Variants in SLC17A8 observed in about 807,000 individuals in gnomAD.
The protein encoded by SLC17A8 is solute carrier family 17 member 8, also known as vesicular glutamate transporter 3.
Under a neutral mutation model 58.0 loss-of-function variants are expected in SLC17A8, and 31 were observed. The ratio of observed to expected loss-of-function variants is 0.53; its 90% CI spans 0.40 to 0.72. The LOEUF is 0.72. Among genes scored for constraint, SLC17A8 ranks in the 30% least tolerant of loss-of-function variants. The pLI is 0.00. For synonymous variants in SLC17A8, 228 were observed against 249.0 expected (o/e 0.92, Z 0.79); for missense variants, 655 against 727.8 (o/e 0.90, Z 1.15).
intron 1 of SLC17A8, among the ~76,000 whole-genome samples, chr12:100,358,407 A>C (rs1221898107): frequency 6.6e-6 from 1 of 152,212 alleles, no homozygotes; most frequent in Non-Finnish European, 1.5e-5. Context: ...TAAATTTAAA[A>C]ACTTTTTCAT....
intron 11 of SLC17A8, among the ~76,000 whole-genome samples, 178 bp downstream of exon 11, chr12:100,418,334 A>G (rs774564917): frequency 2.0e-4 from 30 of 152,036 alleles, no homozygotes; most frequent in Non-Finnish European, 2.9e-5. Flanking sequence ...TTGCTTATCA[A>G]TGGCACCAAG....
chr12:100,415,964 A>T (rs1187129602), intron 10 of SLC17A8, among the ~76,000 whole-genome samples: 1 of 152,178 alleles, frequency 6.6e-6, no homozygotes, highest in African/African-American at 2.4e-5. Flanking sequence ...CTTTTAAAGG[A>T]ATAAACATAG....
chr12:100,376,092 G>A (rs947883281), intron 1 of SLC17A8, among the ~76,000 whole-genome samples: 21 of 152,160 alleles, frequency 1.4e-4, no homozygotes, highest in African/African-American at 4.3e-4. Flanking sequence ...CTATGTGAAG[G>A]CACAGGGAGA....
At chr12:100,405,822 TG>T (rs1952822629) in intron 9 of SLC17A8, among the ~76,000 whole-genome samples, 1 of 152,134 alleles carries the variant, frequency 6.6e-6, no homozygotes, top group South Asian at 2.1e-4. Flanking sequence ...ACTGAGTTTG[TG>T]GTAATTTATT....
chr12:100,407,980 G>T (rs1003572547), intron 9 of SLC17A8, among the ~76,000 whole-genome samples: 2 of 152,098 alleles, frequency 1.3e-5, no homozygotes, highest in African/African-American at 4.8e-5. Context: ...GACCATAATG[G>T]TCCCACTTTT....
chr12:100,395,624 C>CTT (rs748545074), intron 4 of SLC17A8, among the ~76,000 whole-genome samples: 4 of 144,930 alleles, frequency 2.8e-5, no homozygotes, highest in African/African-American at 7.7e-5. Context: ...TGTGCCTGGC[C>CTT]TTTTTTTTTT....
chr12:100,396,748 TAAAAAGA>T (rs574066656), intron 5 of SLC17A8, among the ~76,000 whole-genome samples: 8 of 151,748 alleles, frequency 5.3e-5, no homozygotes, highest in African/African-American at 1.7e-4. Context: ...ACCTTGTATC[TAAAAAGA>T]AAAAAGAAAA....
chr12:100,376,064 G>A (rs1952592786), intron 1 of SLC17A8, among the ~76,000 whole-genome samples: 1 of 152,120 alleles, frequency 6.6e-6, no homozygotes, highest in South Asian at 2.1e-4. Flanking sequence ...TGGGACACAC[G>A]GATACATAGA....
chr12:100,386,772 T>C (rs1265783228), intron 2 of SLC17A8, among the ~76,000 whole-genome samples: 1 of 151,420 alleles, frequency 6.6e-6, no homozygotes, highest in Non-Finnish European at 1.5e-5. Flanking sequence ...CACTGCAACT[T>C]CCGCCTCCCA....
At chr12:100,406,588 T>G (rs1593004796) in intron 9 of SLC17A8, among the ~76,000 whole-genome samples, 1 of 151,150 alleles carries the variant, frequency 6.6e-6, no homozygotes, top group South Asian at 2.1e-4. Context: ...CAGGCTGGAG[T>G]GCAGTGGTGC....
rs1392310732 is a variant in SLC17A8, at chr12:100,401,973, GT to G, written c.763+113del. On this transcript the variant is annotated intron_variant, in intron 6 of 11. Transcript: ENST00000323346. ...ATCAAAATAGAGATTACTAAAACAA[GT>G]TTATTGTATAAATGGAATACTTTAT... is the stretch of plus-strand genomic sequence containing the variant. 1.2e-5 allele frequency: 10 copies of G among 868,088 alleles called. No homozygotes were observed. In the African/African-American group the frequency reaches 1.3e-4, roughly 11 times the overall value. The allele number at this position is 868,088 out of a possible 1,614,324, so 53.8% of individuals were successfully genotyped here. A position where few individuals can be genotyped will look rare whatever the true frequency, so the allele number is the denominator to read the frequency against.
chr12:100,394,471 G>A (rs1287746656), intron 4 of SLC17A8, among the ~76,000 whole-genome samples: 1 of 144,824 alleles, frequency 6.9e-6, no homozygotes. Context: ...GCATGATCTC[G>A]GCCCGTTGCA....
chr12:100,419,793 G>T, intron 11 of SLC17A8, 22 bp from the exon 12 acceptor site: 1 of 1,606,536 alleles, frequency 6.2e-7, no homozygotes. Context: ...AACATTAATT[G>T]GCACTTTATT....
At chr12:100,390,166 C>A (rs546595614) in intron 2 of SLC17A8, among the ~76,000 whole-genome samples, 2 of 151,746 alleles carry the variant, frequency 1.3e-5, no homozygotes, top group Non-Finnish European at 2.9e-5. Flanking sequence ...GGTCTCGCCA[C>A]GTTGCCCAGG....
Position 100,421,599 on chromosome 12 carries a change from G to A in SLC17A8, c.*1440G>A, listed in dbSNP as rs1348801758. The A allele has an allele frequency of 3.4e-5, 5 of 145,536 alleles. No homozygotes were observed. Among genetic ancestry groups the A allele is most frequent in the Admixed American group, 7.0e-5 (1 of 14,304 alleles). 9.0% of individuals were successfully genotyped at this position (145,536 alleles called of 1,614,324 possible). ...TTTAAACATTTTATTCCTACTTTCA[G>A]AAGAAAAATATAATACGGAAAAAAT... On this transcript the variant is annotated 3_prime_UTR_variant, in exon 12 of 12. Coordinates refer to ENST00000323346, the MANE Select transcript of SLC17A8 (RefSeq NM_139319.3).
intron 2 of SLC17A8, among the ~76,000 whole-genome samples, chr12:100,389,874 G>A (rs891282990): frequency 2.0e-5 from 3 of 151,666 alleles, no homozygotes; most frequent in Non-Finnish European, 4.4e-5. Context: ...AGGCTGGAGT[G>A]TAGTGGTGTG....
intron 2 of SLC17A8, among the ~76,000 whole-genome samples, chr12:100,381,401 G>A (rs1566391995): frequency 6.6e-6 from 1 of 152,156 alleles, no homozygotes; most frequent in African/African-American, 2.4e-5. Context: ...TAGGTGCCAC[G>A]TTGGAGGTAC....
chr12:100,390,644 G>A (rs573958936), intron 2 of SLC17A8, among the ~76,000 whole-genome samples: 6 of 151,810 alleles, frequency 4.0e-5, no homozygotes, highest in South Asian at 2.1e-4. Context: ...CACCGCACCC[G>A]GCCGGTTTTG....
Position 100,386,425 on chromosome 12 carries a change from C to T in SLC17A8, c.355-4576C>T, listed in dbSNP as rs143295628. Among the ~76,000 whole-genome samples the T allele has an allele frequency of 8.5e-5, 13 of 152,250 alleles. 1 individual carries two copies. In the East Asian group the frequency reaches 2.5e-3, roughly 29 times the overall value. Reference sequence around the variant, plus strand: ...AGATCTCTAGAGCGTGTTCATTTTGCTTGACTGAAACTTTTTCCCATTAAT... The same window carrying T: ...AGATCTCTAGAGCGTGTTCATTTTGTTTGACTGAAACTTTTTCCCATTAAT... On this transcript the variant is annotated intron_variant, in intron 2 of 11. Transcript: ENST00000323346.
Sources: gnomAD v4.1 joint callset for allele counts (sites outside exome capture counted in the v4.1 genomes callset) on GRCh38, gnomAD v4.1.1 for gene constraint, MANE v1.5 for transcripts, NCBI Gene and HGNC (gene_info 2026-07-23, HGNC 2026-07-21) for gene names.